Variants in LAMA2 observed in about 807,000 individuals in gnomAD.
LAMA2 encodes laminin subunit alpha 2, also known as laminin subunit alpha-2.
LAMA2 carries 269 observed loss-of-function variants against 364.8 expected under a neutral mutation model. The observed-to-expected ratio is 0.74, with a 90% CI of 0.67 to 0.82. The LOEUF is 0.82. Ranked by LOEUF, LAMA2 falls within the 40% of genes least tolerant of loss-of-function variation. LAMA2 has a pLI of 0.00. For missense variants in LAMA2, 3,807 were observed against 3,873.2 expected, an observed-to-expected ratio of 0.98 and a Z score of 0.45; for synonymous variants, 1,379 against 1,370.6, an observed-to-expected ratio of 1.01 and a Z score of -0.14.
intron 37 of LAMA2, among the ~76,000 whole-genome samples, chr6:129,397,269 T>A (rs1001270216): frequency 6.6e-6 from 1 of 152,184 alleles, no homozygotes; most frequent in East Asian, 1.9e-4. Flanking sequence ...TAGGCCTTCT[T>A]TCTGTTTCTT....
In LAMA2 at chr6:128,956,702, G is replaced by T. The variant is rs1224438234; in HGVS notation, c.112+73345G>T. ...TCCTATTGTTCTCTGTCAAGACACT[G>T]CAGTCTGTTTTAATCATTATCATCT... On this transcript the variant is annotated intron_variant, in intron 1 of 64. Coordinates refer to ENST00000421865, the MANE Select transcript of LAMA2 (RefSeq NM_000426.4). 2.0e-5 allele frequency among the ~76,000 whole-genome samples: 3 copies of T among 152,086 alleles called. No homozygotes were observed. The East Asian group carries it at 5.8e-4, about 29-fold the overall frequency.
intron 4 of LAMA2, among the ~76,000 whole-genome samples, chr6:129,102,153 G>T (rs754122405): frequency 7.6e-6 from 1 of 130,800 alleles, no homozygotes; most frequent in Admixed American, 8.6e-5. Context: ...TTTTGAGACC[G>T]AGTCTCGCTC....
At chr6:129,138,629 A>G (rs1318406051) in intron 4 of LAMA2, among the ~76,000 whole-genome samples, 1 of 152,122 alleles carries the variant, frequency 6.6e-6, no homozygotes, top group Non-Finnish European at 1.5e-5. Flanking sequence ...GTACTTTCAT[A>G]TTTTATAACA....
chr6:129,408,946 C>T (rs1780386941), intron 40 of LAMA2, among the ~76,000 whole-genome samples: 6 of 152,200 alleles, frequency 3.9e-5, no homozygotes. Context: ...AATATCTTCA[C>T]AGTTTTTGAC....
intron 22 of LAMA2, among the ~76,000 whole-genome samples, chr6:129,304,002 A>G (rs1773708475): frequency 1.3e-5 from 2 of 152,200 alleles, no homozygotes; most frequent in South Asian, 4.1e-4. Flanking sequence ...CTTTAGAGGA[A>G]CCCAAAAGCT....
chr6:129,237,410 C>CACTGCAACCTCCACCTCCCGGGT (rs1785066629), intron 12 of LAMA2, among the ~76,000 whole-genome samples: 1 of 150,964 alleles, frequency 6.6e-6, no homozygotes. Context: ...GATCTCGGCT[C>CACTGCAACCTCCACCTCCCGGGT]ACTGCAACCT....
At chr6:129,288,609 A>C (rs866168678) in intron 19 of LAMA2, among the ~76,000 whole-genome samples, 9 of 152,308 alleles carry the variant, frequency 5.9e-5, no homozygotes, top group African/African-American at 2.2e-4. Flanking sequence ...ATAGTCATTT[A>C]AGGACTATTT....
chr6:128,994,251 G>A (rs895956913), intron 1 of LAMA2, among the ~76,000 whole-genome samples: 11 of 152,184 alleles, frequency 7.2e-5, no homozygotes, highest in African/African-American at 2.4e-4. Flanking sequence ...TATTGCATTA[G>A]CTTAGTCAGT....
At chr6:129,166,506 T>G (rs1779751316) in intron 9 of LAMA2, among the ~76,000 whole-genome samples, 1 of 152,212 alleles carries the variant, frequency 6.6e-6, no homozygotes, top group South Asian at 2.1e-4. Context: ...ATTATCAATC[T>G]GAGCATTACA....
intron 31 of LAMA2, among the ~76,000 whole-genome samples, chr6:129,351,789 G>A (rs374658003): frequency 4.6e-5 from 7 of 152,048 alleles, no homozygotes; most frequent in African/African-American, 1.7e-4. Flanking sequence ...ACCTATAAAT[G>A]TTAAGAAGCC....
intron 1 of LAMA2, among the ~76,000 whole-genome samples, chr6:128,996,671 G>A (rs773262345): frequency 4.6e-5 from 7 of 152,208 alleles, no homozygotes; most frequent in Non-Finnish European, 1.0e-4. Context: ...CTTTTACACT[G>A]TTAGTGTGAA....
At chr6:128,986,128 T>A (rs111862395) in intron 1 of LAMA2, among the ~76,000 whole-genome samples, 3,760 of 152,304 alleles carry the variant, frequency 0.025, 164 homozygotes, top group African/African-American at 0.085. Flanking sequence ...TATGTTTCGA[T>A]TCATTGCAGT....
At chr6:129,374,032 GA>G (rs907920047) in intron 34 of LAMA2, among the ~76,000 whole-genome samples, 1 of 152,128 alleles carries the variant, frequency 6.6e-6, no homozygotes, top group African/African-American at 2.4e-5. Flanking sequence ...AGATCACTTT[GA>G]TGGGTTGAGA....
chr6:129,367,614 A>G (rs1237963200), intron 33 of LAMA2, among the ~76,000 whole-genome samples: 1 of 152,224 alleles, frequency 6.6e-6, no homozygotes. Context: ...TTTATTCACT[A>G]CACATTGGTA....
At chr6:128,996,474 C>T (rs1454542851) in intron 1 of LAMA2, among the ~76,000 whole-genome samples, 1 of 152,122 alleles carries the variant, frequency 6.6e-6, no homozygotes, top group Non-Finnish European at 1.5e-5. Context: ...AGGATATGAA[C>T]AGACACTTCT....
chr6:129,238,290 A>T (rs1246889275), intron 12 of LAMA2, among the ~76,000 whole-genome samples: 1 of 152,218 alleles, frequency 6.6e-6, no homozygotes, highest in African/African-American at 2.4e-5. Context: ...GAGGAAAAGA[A>T]ATAATGTTTA....
At chr6:129,104,946 C>A (rs1008892366) in intron 4 of LAMA2, among the ~76,000 whole-genome samples, 1 of 152,078 alleles carries the variant, frequency 6.6e-6, no homozygotes, top group African/African-American at 2.4e-5. Context: ...GTCTCAGGGC[C>A]TGGCAAAGGA....
intron 14 of LAMA2, among the ~76,000 whole-genome samples, chr6:129,255,130 G>A (rs940637203): frequency 4.0e-5 from 6 of 151,722 alleles, no homozygotes; most frequent in African/African-American, 1.5e-4. Context: ...GCCTGGGGCC[G>A]GGCACGGTGG....
At position 129,516,258 on chromosome 6, in the gene LAMA2, A is replaced by G; in HGVS notation, c.9280A>G (p.Thr3094Ala). 6.2e-7 allele frequency: 1 copy of G among 1,614,104 alleles called. No homozygotes were observed. The highest frequency in any genetic ancestry group is 8.5e-7 in the Non-Finnish European group (1 of 1,179,978). ...FRGCIRSLKL[T>A]KGTGKPLEVN... ...AGGTTGCATCAGATCCCTGAAGCTC[A>G]CCAAAGGCACAGGCAAGCCACTGGA... Residue 3094 changes from threonine (T) to alanine (A), a missense_variant, in exon 65 of 65, where the codon ACC (threonine) becomes GCC (alanine). This residue lies in a region of LAMA2 where 3,333 missense variants were observed against 3,345.7 expected (regional missense o/e 1.00). Transcript: ENST00000421865.
Sources: gnomAD v4.1 joint callset for allele counts (sites outside exome capture counted in the v4.1 genomes callset) on GRCh38, gnomAD v4.1.1 for gene constraint, gnomAD v4.1.1 regional missense constraint, MANE v1.5 for transcripts, NCBI Gene and HGNC (gene_info 2026-07-23, HGNC 2026-07-21) for gene names.